Variants in FRMD4A observed in about 807,000 individuals in gnomAD.
FRMD4A encodes FERM domain-containing protein 4A.
A neutral mutation model predicts 129.1 loss-of-function variants in FRMD4A; 29 were observed. The ratio of observed to expected loss-of-function variants is 0.22; its 90% CI spans 0.17 to 0.31. The LOEUF is 0.31. FRMD4A is among the 10% of genes least tolerant of loss of function. The probability of loss-of-function intolerance (pLI) is 1.00; values close to 1 mark genes in which losing one functional copy is unlikely to be tolerated. For synonymous variants in FRMD4A, 634 were observed against 571.6 expected (o/e 1.11, Z -1.56); for missense variants, 1,272 against 1,375.8 (o/e 0.92, Z 1.19).
In FRMD4A at chr10:14,053,894, A is replaced by G. The variant is rs547934867; in HGVS notation, c.46-194982T>C. Among the ~76,000 whole-genome samples, 174 of 152,230 alleles carry G rather than the reference A, an allele frequency of 1.1e-3. 1 individual carries two copies. The highest frequency in any genetic ancestry group is 3.1e-3 in the South Asian group (15 of 4,820). On this transcript the variant is annotated intron_variant, in intron 2 of 24. Coordinates refer to ENST00000357447, the MANE Select transcript of FRMD4A (RefSeq NM_018027.5). ...GAAAAAACTAGTGGATTGTGGTGGT[A>G]CAGGTGTCCCAGCTACGCAGGAGGA... is the stretch of plus-strand genomic sequence containing the variant.
At chr10:13,806,483 G>A (rs1279269395) in intron 4 of FRMD4A, among the ~76,000 whole-genome samples, 2 of 152,224 alleles carry the variant, frequency 1.3e-5, no homozygotes, top group Middle Eastern at 3.2e-3. Flanking sequence ...AGGAATGGAA[G>A]CTAGAAGGGA....
At chr10:13,759,994 A>T (rs1479711631) in intron 8 of FRMD4A, among the ~76,000 whole-genome samples, 1 of 152,022 alleles carries the variant, frequency 6.6e-6, no homozygotes, top group Non-Finnish European at 1.5e-5. Flanking sequence ...TGTATTACCC[A>T]TGAACTAAGG....
At chr10:13,749,646 G>T (rs1052050055) in intron 8 of FRMD4A, among the ~76,000 whole-genome samples, 27 of 152,102 alleles carry the variant, frequency 1.8e-4, no homozygotes, top group Non-Finnish European at 3.5e-4. Context: ...AGACATGGAG[G>T]TTTGGTGACA....
chr10:14,013,637 C>T (rs1565184257), intron 2 of FRMD4A, among the ~76,000 whole-genome samples: 1 of 152,158 alleles, frequency 6.6e-6, no homozygotes, highest in Non-Finnish European at 1.5e-5. Context: ...CCAGAGAAAA[C>T]CATGGCCAGC....
At chr10:13,853,493 G>A (rs1034077345) in intron 3 of FRMD4A, among the ~76,000 whole-genome samples, 11 of 152,014 alleles carry the variant, frequency 7.2e-5, no homozygotes, top group Admixed American at 2.6e-4. Flanking sequence ...AGCTGTAATC[G>A]CACCACTGCA....
intron 6 of FRMD4A, among the ~76,000 whole-genome samples, chr10:13,780,590 A>G (rs2092709357): frequency 6.6e-6 from 1 of 152,220 alleles, no homozygotes; most frequent in Non-Finnish European, 1.5e-5. Flanking sequence ...GCTCAACATC[A>G]CTAGTCTACA....
intron 2 of FRMD4A, among the ~76,000 whole-genome samples, chr10:13,957,364 T>C (rs2095415961): frequency 6.6e-6 from 1 of 152,116 alleles, no homozygotes; most frequent in Non-Finnish European, 1.5e-5. Context: ...AACAAGTCTC[T>C]TGCCTCAGCC....
chr10:14,102,788 G>T, intron 2 of FRMD4A, among the ~76,000 whole-genome samples: 1 of 148,262 alleles, frequency 6.7e-6, no homozygotes. Flanking sequence ...AAAAAGTCCT[G>T]CAGAAATGAA....
chr10:13,647,055 G>T lies in FRMD4A; in HGVS notation c.*3-20C>A, dbSNP rs1422925200. The T allele has an allele frequency of 8.4e-6, 6 of 715,934 alleles. No homozygotes were observed. Among genetic ancestry groups the T allele is most frequent in the African/African-American group, 3.9e-5 (2 of 50,996 alleles). The allele number at this position is 715,934 out of a possible 1,614,324, so 44.3% of individuals were successfully genotyped here. ...TAGCTCCTGTGGGAGGCCCAAGAAA[G>T]GAGATGAGACAGTTAGTTAGTGGAG... On this transcript the variant is annotated intron_variant, in intron 24 of 24. Coordinates refer to ENST00000357447, the MANE Select transcript of FRMD4A (RefSeq NM_018027.5).
intron 2 of FRMD4A, among the ~76,000 whole-genome samples, chr10:13,905,404 G>C (rs1265676818): frequency 2.0e-5 from 3 of 152,130 alleles, no homozygotes; most frequent in Non-Finnish European, 4.4e-5. Context: ...GGGAAGGTAG[G>C]CACAGATTTT....
chr10:14,056,834 G>A lies in FRMD4A; in HGVS notation c.46-197922C>T, dbSNP rs979663496. Among the ~76,000 whole-genome samples, 3 of 152,166 alleles carry A rather than the reference G, an allele frequency of 2.0e-5. No homozygotes were observed. In the East Asian group the frequency reaches 5.8e-4, roughly 29 times the overall value. On this transcript the variant is annotated intron_variant, in intron 2 of 24. Coordinates refer to ENST00000357447, the MANE Select transcript of FRMD4A (RefSeq NM_018027.5). The stretch of plus-strand genomic sequence containing the variant: ...GGGAGAGAAACGAGCTTGTGTTATA[G>A]TTCTTGTTCTCTGTCATTCATAAAT...
At chr10:14,155,116 T>A (rs1840530383) in intron 2 of FRMD4A, among the ~76,000 whole-genome samples, 2 of 152,270 alleles carry the variant, frequency 1.3e-5, no homozygotes, top group South Asian at 4.1e-4. Flanking sequence ...CAGTGAGATC[T>A]CATCTCTACA....
intron 2 of FRMD4A, among the ~76,000 whole-genome samples, chr10:13,873,270 G>A (rs1476934930): frequency 3.5e-5 from 5 of 142,054 alleles, no homozygotes; most frequent in Admixed American, 7.0e-5. Flanking sequence ...AGATAAGGCT[G>A]AAAAAAAAAA....
intron 2 of FRMD4A, chr10:13,891,806 A>G: frequency 1.1e-6 from 1 of 900,402 alleles, no homozygotes; most frequent in Non-Finnish European, 1.3e-6. Flanking sequence ...CCTCGGCGTC[A>G]GCCCATAGCC....
chr10:14,099,429 T>A (rs1195982555), intron 2 of FRMD4A, among the ~76,000 whole-genome samples: 1 of 152,178 alleles, frequency 6.6e-6, no homozygotes, highest in Non-Finnish European at 1.5e-5. Flanking sequence ...CTGCTTTAAG[T>A]GTGTACGTGC....
intron 3 of FRMD4A, among the ~76,000 whole-genome samples, chr10:13,826,463 G>A (rs1382437764): frequency 6.6e-6 from 1 of 152,178 alleles, no homozygotes; most frequent in Non-Finnish European, 1.5e-5. Context: ...CCTTGCACCT[G>A]TCTCTGCCTA....
At chr10:13,694,893 C>T (rs966969917) in intron 14 of FRMD4A, among the ~76,000 whole-genome samples, 3 of 151,996 alleles carry the variant, frequency 2.0e-5, no homozygotes, top group Admixed American at 6.6e-5. Flanking sequence ...GACCTGCAAT[C>T]ACAGGGTGCA....
chr10:13,713,800 T>C (rs2088295247), intron 12 of FRMD4A, among the ~76,000 whole-genome samples: 1 of 130,020 alleles, frequency 7.7e-6, no homozygotes, highest in South Asian at 2.3e-4. Context: ...ATATATGTAA[T>C]ATATATACAC....
At chr10:13,676,444 T>G (rs1405803661) in intron 15 of FRMD4A, among the ~76,000 whole-genome samples, 2 of 150,064 alleles carry the variant, frequency 1.3e-5, no homozygotes, top group Non-Finnish European at 3.0e-5. Context: ...TTTTTTTTTT[T>G]TTGTATTTTT....
Sources: gnomAD v4.1 joint callset for allele counts (sites outside exome capture counted in the v4.1 genomes callset) on GRCh38, gnomAD v4.1.1 for gene constraint, MANE v1.5 for transcripts, NCBI Gene and HGNC (gene_info 2026-07-23, HGNC 2026-07-21) for gene names.